The following DCC variants were observed in gnomAD, a reference collection of about 807,000 sequenced individuals.
The protein encoded by DCC is netrin receptor DCC.
DCC carries 58 observed loss-of-function variants against 172.5 expected under a neutral mutation model. The ratio of observed to expected loss-of-function variants is 0.34; its 90% confidence interval spans 0.27 to 0.42. DCC has a LOEUF of 0.42. DCC is among the 10% of genes least tolerant of loss of function. The pLI is 1.00. For synonymous variants in DCC, 709 were observed against 644.5 expected (o/e 1.10, Z -1.52); for missense variants, 1,740 against 1,791.0 (o/e 0.97, Z 0.51).
chr18:52,348,441 T>G (rs757001695), intron 1 of DCC, among the ~76,000 whole-genome samples: 5 of 152,208 alleles, frequency 3.3e-5, no homozygotes, highest in Non-Finnish European at 7.3e-5. Flanking sequence ...AAGGCCTCTT[T>G]GCTTCATGCC....
intron 1 of DCC, among the ~76,000 whole-genome samples, chr18:52,347,466 T>G (rs1049922766): frequency 6.6e-6 from 1 of 152,168 alleles, no homozygotes; most frequent in Non-Finnish European, 1.5e-5. Context: ...CATACAGAAC[T>G]GTTTATTTTT....
At chr18:52,603,325 T>C (rs927232483) in intron 1 of DCC, among the ~76,000 whole-genome samples, 7 of 152,044 alleles carry the variant, frequency 4.6e-5, no homozygotes, top group African/African-American at 1.7e-4. Flanking sequence ...TATTTAGCTT[T>C]GGGCCTCTGC....
intron 27 of DCC, among the ~76,000 whole-genome samples, chr18:53,516,693 A>C (rs2046337697): frequency 6.6e-6 from 1 of 150,482 alleles, no homozygotes. Context: ...AAACACATGA[A>C]AAAATGCTTA....
At chr18:52,513,904 C>T (rs570264623) in intron 1 of DCC, among the ~76,000 whole-genome samples, 1 of 152,320 alleles carries the variant, frequency 6.6e-6, no homozygotes, top group East Asian at 1.9e-4. Context: ...ACCTAAAAGC[C>T]ACAATTCCAT....
chr18:53,330,612 C>A (rs145610592), intron 14 of DCC, among the ~76,000 whole-genome samples: 1 of 152,174 alleles, frequency 6.6e-6, no homozygotes, highest in Non-Finnish European at 1.5e-5. Context: ...GATTCTTCTC[C>A]ATGTGGTCCT....
intron 2 of DCC, among the ~76,000 whole-genome samples, chr18:52,857,794 C>T (rs189597202): frequency 8.5e-5 from 13 of 152,106 alleles, no homozygotes; most frequent in African/African-American, 4.8e-5. Flanking sequence ...AGAAAAAGGT[C>T]GCTGTCAGTC....
At chr18:52,548,432 C>T (rs1568223859) in intron 1 of DCC, among the ~76,000 whole-genome samples, 1 of 152,084 alleles carries the variant, frequency 6.6e-6, no homozygotes, top group Non-Finnish European at 1.5e-5. Flanking sequence ...AACAGGGGCA[C>T]TGCTGGGCAA....
chr18:52,862,774 T>A (rs924155782), intron 2 of DCC, among the ~76,000 whole-genome samples: 30 of 152,206 alleles, frequency 2.0e-4, no homozygotes, highest in African/African-American at 6.7e-4. Context: ...GAGAGGAGAA[T>A]CAGGTTTCCA....
intron 1 of DCC, among the ~76,000 whole-genome samples, chr18:52,504,799 A>T (rs1372570295): frequency 6.6e-6 from 1 of 151,370 alleles, no homozygotes; most frequent in African/African-American, 2.4e-5. Context: ...TGTAAAAGCC[A>T]CCAACCTCAG....
intron 2 of DCC, among the ~76,000 whole-genome samples, chr18:52,799,797 A>G (rs1250349764): frequency 2.0e-5 from 3 of 152,178 alleles, no homozygotes; most frequent in Non-Finnish European, 2.9e-5. Context: ...ACTTTGTTTT[A>G]TCTGTTAATA....
chr18:53,479,680 AGGGTT>A (rs1358746076), intron 25 of DCC, among the ~76,000 whole-genome samples: 1 of 152,188 alleles, frequency 6.6e-6, no homozygotes, highest in Non-Finnish European at 1.5e-5. Context: ...GATCTGACAA[AGGGTT>A]GGTGAAAGTA....
intron 2 of DCC, among the ~76,000 whole-genome samples, chr18:52,882,036 A>C (rs1200109604): frequency 6.6e-6 from 1 of 152,058 alleles, no homozygotes; most frequent in Non-Finnish European, 1.5e-5. Flanking sequence ...ACTTCAAAGT[A>C]TTTAATATTA....
chr18:53,183,091 A>G (rs2055221295), intron 9 of DCC, among the ~76,000 whole-genome samples: 1 of 152,186 alleles, frequency 6.6e-6, no homozygotes, highest in Non-Finnish European at 1.5e-5. Context: ...TAGCTTGTAT[A>G]CAAATTGAAT....
At chr18:52,783,158 T>C (rs575576499) in intron 2 of DCC, among the ~76,000 whole-genome samples, 1 of 152,100 alleles carries the variant, frequency 6.6e-6, no homozygotes, top group Non-Finnish European at 1.5e-5. Context: ...ATAATAATTA[T>C]ACAAGAAATT....
At chr18:52,635,112 T>A (rs2034749181) in intron 1 of DCC, among the ~76,000 whole-genome samples, 1 of 152,222 alleles carries the variant, frequency 6.6e-6, no homozygotes, top group African/African-American at 2.4e-5. Flanking sequence ...ACAAATAATG[T>A]CTAGGGCACT....
At chr18:52,664,693 G>A (rs1161738070) in intron 1 of DCC, among the ~76,000 whole-genome samples, 4 of 151,578 alleles carry the variant, frequency 2.6e-5, no homozygotes, top group African/African-American at 4.8e-5. Context: ...GGATGGTCTC[G>A]ATCTCCTGAC....
intron 15 of DCC, among the ~76,000 whole-genome samples, chr18:53,348,115 G>T (rs535180559): frequency 6.6e-6 from 1 of 152,248 alleles, no homozygotes; most frequent in African/African-American, 2.4e-5. Flanking sequence ...ACAGTCCAAT[G>T]TCTCATCTGA....
intron 1 of DCC, among the ~76,000 whole-genome samples, chr18:52,630,371 C>T (rs904158234): frequency 6.6e-6 from 1 of 152,102 alleles, no homozygotes; most frequent in East Asian, 1.9e-4. Context: ...GAAGAAAAAG[C>T]TCAGTCTTTT....
chr18:52,422,546 C>A (rs1987284473), intron 1 of DCC, among the ~76,000 whole-genome samples: 1 of 152,170 alleles, frequency 6.6e-6, no homozygotes, highest in Non-Finnish European at 1.5e-5. Context: ...GATATACAAA[C>A]TACAATGAAT....
Sources: allele counts gnomAD v4.1 joint callset (sites outside exome capture counted in the v4.1 genomes callset), GRCh38; gene constraint gnomAD v4.1.1; transcripts MANE v1.5; gene names NCBI Gene and HGNC (gene_info 2026-07-23, HGNC 2026-07-21).